TEX14: variants seen among roughly 807,000 people sequenced by gnomAD.
TEX14 encodes the protein testis expressed 14, intercellular bridge forming factor, also known as inactive serine/threonine-protein kinase TEX14.
TEX14 carries 168 observed loss-of-function variants against 178.6 expected under a neutral mutation model. The ratio of observed to expected loss-of-function variants is 0.94; its 90% confidence interval spans 0.83 to 1.07. TEX14 has a LOEUF of 1.07. TEX14 is among the 50% of genes least tolerant of loss of function. The pLI, the probability that TEX14 is intolerant of heterozygous loss-of-function variation, is 0.00. For synonymous variants in TEX14, 626 were observed against 634.1 expected (o/e 0.99, Z 0.19); for missense variants, 1,730 against 1,753.6 (o/e 0.99, Z 0.24).
At chr17:58,662,030 T>C (rs901955151) in intron 1 of TEX14, among the ~76,000 whole-genome samples, 2 of 151,954 alleles carry the variant, frequency 1.3e-5, no homozygotes, top group Non-Finnish European at 2.9e-5. Context: ...CACAGGGAAG[T>C]AGCATCAGGC....
intron 2 of TEX14, among the ~76,000 whole-genome samples, chr17:58,645,834 A>T (rs747408934): frequency 5.6e-4 from 85 of 152,196 alleles, no homozygotes; most frequent in Non-Finnish European, 1.0e-3. Context: ...TACCAGTAAA[A>T]TCCAAAGATG....
At position 58,603,887 on chromosome 17, in the gene TEX14, C is replaced by CTGTGTGTGTGTGTGTG. The variant is rs71143257; in HGVS notation, c.1336+1075_1336+1090dup. Reference sequence around the variant, plus strand: ...AAAAGCAGCCCTTAATGTGATTTTACTGTGTGTGTGTGTGTGTGTGTGTGT... The same window carrying CTGTGTGTGTGTGTGTG: ...AAAAGCAGCCCTTAATGTGATTTTACTGTGTGTGTGTGTGTGTGTGTGTGTGTGTGTGTGTGTGTGT... On this transcript the variant is annotated intron_variant, in intron 11 of 31. Transcript: ENST00000349033. Among the ~76,000 whole-genome samples, 153 of 105,276 alleles carry CTGTGTGTGTGTGTGTG rather than the reference C, an allele frequency of 1.5e-3. 3 individuals carry two copies. The highest frequency in any genetic ancestry group is 5.4e-3 in the Middle Eastern group (1 of 186). 69.1% of individuals were successfully genotyped at this position (105,276 alleles called of 152,430 possible). A position where few individuals can be genotyped will look rare whatever the true frequency, so the allele number is the denominator to read the frequency against.
At chr17:58,588,518 C>T (rs1005448310) in intron 15 of TEX14, among the ~76,000 whole-genome samples, 1 of 152,146 alleles carries the variant, frequency 6.6e-6, no homozygotes. Context: ...CTCCTTATCT[C>T]GAGTGATCCA....
At chr17:58,630,291 C>G (rs952535511) in intron 3 of TEX14, 149 bp downstream of exon 3, 1 of 546,562 alleles carries the variant, frequency 1.8e-6, no homozygotes, top group Non-Finnish European at 3.3e-6. Context: ...CTCCTGACCT[C>G]GTGATCTGCC....
At chr17:58,574,629 G>A (rs867635190) in intron 21 of TEX14, among the ~76,000 whole-genome samples, 7 of 134,272 alleles carry the variant, frequency 5.2e-5, no homozygotes, top group African/African-American at 1.7e-4. Context: ...AGCTGAGATC[G>A]CGCCATTGCA....
Position 58,561,615 on chromosome 17 carries a change from G to C in TEX14, c.4065-3C>G, listed in dbSNP as rs1461772725. 1.2e-6 allele frequency: 2 copies of C among 1,605,204 alleles called. No homozygotes were observed. Among genetic ancestry groups the C allele is most frequent in the Non-Finnish European group, 1.7e-6 (2 of 1,172,102 alleles). ...CCTCATCCAGAGTAGAGTGAGCTCTGTTTAAGGACAAGTGAAGAGAATGGA... is the reference window on the plus strand; with the variant it reads ...CCTCATCCAGAGTAGAGTGAGCTCTCTTTAAGGACAAGTGAAGAGAATGGA... On this transcript the variant is annotated splice_polypyrimidine_tract_variant and splice_region_variant and intron_variant, in intron 28 of 31. Transcript: ENST00000349033.
chr17:58,587,864 A>G, intron 16 of TEX14, 32 bp downstream of exon 16: 1 of 734,682 alleles, frequency 1.4e-6, no homozygotes, highest in Non-Finnish European at 2.1e-6. Context: ...CCCCCGCTCC[A>G]CCACCAGTTT....
At position 58,572,747 on chromosome 17, in the gene TEX14, A is replaced by G. The variant is rs537272139; in HGVS notation, c.3511+434T>C. On this transcript the variant is annotated intron_variant, in intron 23 of 31. Transcript: ENST00000349033. ...CCTCTAAACTTTACCAAAATAAAAT[A>G]AACGGTGATTTTTTAAACCACAAAT... is the stretch of plus-strand genomic sequence containing the variant. 4.6e-5 allele frequency among the ~76,000 whole-genome samples: 7 copies of G among 152,342 alleles called. No individual in the cohort carries two copies. In the South Asian group the frequency reaches 1.5e-3, roughly 32 times the overall value.
intron 2 of TEX14, among the ~76,000 whole-genome samples, chr17:58,649,983 A>C (rs2046804844): frequency 6.6e-6 from 1 of 151,508 alleles, no homozygotes; most frequent in Admixed American, 6.6e-5. Context: ...CAGGTGATCC[A>C]CCCTCCTCGG....
intron 2 of TEX14, among the ~76,000 whole-genome samples, chr17:58,636,749 C>T (rs1001631167): frequency 1.3e-5 from 2 of 151,992 alleles, no homozygotes; most frequent in African/African-American, 2.4e-5. Context: ...CCTGTCTCTA[C>T]TAAAATTACA....
intron 5 of TEX14, among the ~76,000 whole-genome samples, chr17:58,620,579 C>T (rs1263698452): frequency 6.6e-6 from 1 of 152,022 alleles, no homozygotes; most frequent in Non-Finnish European, 1.5e-5. Context: ...CTGCAACCTC[C>T]GCCTCCTGGG....
At chr17:58,672,625 A>T (rs1280389773) in intron 1 of TEX14, among the ~76,000 whole-genome samples, 1 of 152,000 alleles carries the variant, frequency 6.6e-6, no homozygotes, top group Admixed American at 6.6e-5. Context: ...TTGTATTTTT[A>T]GTAGAGACGG....
At position 58,602,250 on chromosome 17, in the gene TEX14, A is replaced by G. The variant is rs563682519; in HGVS notation, c.1527+150T>C. 8.7e-5 allele frequency: 69 copies of G among 797,332 alleles called. No individual in the cohort carries two copies. The South Asian group carries it at 1.3e-3, about 15-fold the overall frequency. The allele number at this position is 797,332 out of a possible 1,614,324, so 49.4% of individuals were successfully genotyped here. On this transcript the variant is annotated intron_variant, in intron 12 of 31. Transcript: ENST00000349033. ...GCTGCTTTCACCAAGTTAAGCAGTT[A>G]GGCTATTATCAAGAACACAGAAATG...
At chr17:58,571,290 T>C (rs1009949128) in intron 24 of TEX14, among the ~76,000 whole-genome samples, 1 of 145,990 alleles carries the variant, frequency 6.8e-6, no homozygotes, top group African/African-American at 2.5e-5. Context: ...GGCTGGAGTG[T>C]AGTGGTGCAA....
chr17:58,623,389 C>A (rs2046049941), intron 3 of TEX14, among the ~76,000 whole-genome samples: 1 of 152,162 alleles, frequency 6.6e-6, no homozygotes, highest in Non-Finnish European at 1.5e-5. Flanking sequence ...GTCTTCACAC[C>A]TGCAGTGTCC....
chr17:58,614,066 C>A (rs2045813176), intron 8 of TEX14, among the ~76,000 whole-genome samples: 1 of 152,184 alleles, frequency 6.6e-6, no homozygotes, highest in African/African-American at 2.4e-5. Flanking sequence ...GAGCTTAGAG[C>A]CATCAATGAC....
At chr17:58,577,322 T>C in intron 21 of TEX14, 53 bp downstream of exon 21, 1 of 723,570 alleles carries the variant, frequency 1.4e-6, no homozygotes, top group Non-Finnish European at 2.2e-6. Flanking sequence ...ATTATCACCA[T>C]TTAACATTGC....
At chr17:58,674,321 A>G (rs1172346269) in intron 1 of TEX14, among the ~76,000 whole-genome samples, 2 of 151,682 alleles carry the variant, frequency 1.3e-5, no homozygotes, top group African/African-American at 2.4e-5. Flanking sequence ...TGAGAACCAC[A>G]AACTAATCCT....
chr17:58,678,474 AC>A (rs1360887303), intron 1 of TEX14, among the ~76,000 whole-genome samples: 1 of 152,178 alleles, frequency 6.6e-6, no homozygotes, highest in East Asian at 1.9e-4. Context: ...GCACATATAC[AC>A]CACGGAACAC....
Sources: gnomAD v4.1 joint callset for allele counts (sites outside exome capture counted in the v4.1 genomes callset) on GRCh38, gnomAD v4.1.1 for gene constraint, MANE v1.5 for transcripts, NCBI Gene and HGNC (gene_info 2026-07-23, HGNC 2026-07-21) for gene names.